Variants in CBL observed in about 807,000 individuals in gnomAD.
The protein encoded by CBL is E3 ubiquitin-protein ligase CBL.
In CBL, 45 loss-of-function variants were observed where a neutral mutation model predicts 96.9. That is an observed-to-expected ratio of 0.46 (90% CI 0.37 to 0.60). The LOEUF (loss-of-function observed/expected upper bound fraction) is 0.60, where lower values mean the gene tolerates loss of function less well. CBL is among the 20% of genes least tolerant of loss of function. The pLI is 0.00. For missense variants in CBL, 1,024 were observed against 1,143.5 expected (o/e 0.90, Z 1.51); for synonymous variants, 420 against 426.8 (o/e 0.98, Z 0.20).
chr11:119,251,256 C>T (rs1949667902), intron 2 of CBL, among the ~76,000 whole-genome samples: 1 of 152,152 alleles, frequency 6.6e-6, no homozygotes, highest in Non-Finnish European at 1.5e-5. Context: ...TGGCCTTTGC[C>T]TTTATGTAAG....
In CBL at chr11:119,218,680, C is replaced by T. The variant is rs1893034; in HGVS notation, c.195+12068C>T. On this transcript the variant is annotated intron_variant, in intron 1 of 15. Transcript: ENST00000264033. ...TCTACACTACCCACCGGTTAGTCAC[C>T]TAGTAGTCATCTTGATTCTTAGATC... 1.5e-3 allele frequency among the ~76,000 whole-genome samples: 228 copies of T among 152,026 alleles called. 2 individuals are homozygous for T. Among genetic ancestry groups the T allele is most frequent in the Non-Finnish European group, 1.1e-3 (77 of 67,972 alleles).
chr11:119,228,208 A>G (rs1269069186), intron 1 of CBL, among the ~76,000 whole-genome samples: 2 of 152,186 alleles, frequency 1.3e-5, no homozygotes, highest in African/African-American at 4.8e-5. Flanking sequence ...CTCCGCCTCA[A>G]GCGGCCCTCC....
intron 2 of CBL, among the ~76,000 whole-genome samples, chr11:119,255,886 C>T (rs1949707311): frequency 1.3e-5 from 2 of 151,706 alleles, no homozygotes; most frequent in Admixed American, 6.6e-5. Flanking sequence ...GGCCCATTTC[C>T]CCTTAATTTA....
In CBL at chr11:119,248,241, A is replaced by C. The variant is rs1249934086; in HGVS notation, c.443+15546A>C. ...AAAGCTTTACTGCAAAGCTGCAATA[A>C]TCAAAACATTGTGGTACTGGTATAA... On this transcript the variant is annotated intron_variant, in intron 2 of 15. Transcript: ENST00000264033. 4.6e-5 allele frequency among the ~76,000 whole-genome samples: 7 copies of C among 152,366 alleles called. No homozygotes were observed. The East Asian group carries it at 1.2e-3, about 25-fold the overall frequency.
At position 119,307,046 on chromosome 11, in the gene CBL, C is replaced by A. The variant is rs1220043574; in HGVS notation, c.*7265C>A. 5 of 229,488 alleles carry A rather than the reference C, an allele frequency of 2.2e-5. No homozygotes were observed. Among genetic ancestry groups the A allele is most frequent in the African/African-American group, 4.4e-5 (2 of 45,094 alleles). 14.2% of individuals were successfully genotyped at this position (229,488 alleles called of 1,614,324 possible). ...AAATACCAGAGTCTGAGCTCCTCTACCTTGAGTTTCATTAGTCCTTAGTGT... is the reference window on the plus strand; with the variant it reads ...AAATACCAGAGTCTGAGCTCCTCTAACTTGAGTTTCATTAGTCCTTAGTGT... On this transcript the variant is annotated 3_prime_UTR_variant, in exon 16 of 16. Transcript: ENST00000264033.
chr11:119,219,959 C>G (rs1346740326), intron 1 of CBL, among the ~76,000 whole-genome samples: 1 of 151,770 alleles, frequency 6.6e-6, no homozygotes, highest in Non-Finnish European at 1.5e-5. Context: ...AAGCCATTCT[C>G]CTGCCTCAGC....
chr11:119,262,840 G>A (rs185345653), intron 2 of CBL, among the ~76,000 whole-genome samples: 8 of 152,282 alleles, frequency 5.3e-5, no homozygotes, highest in African/African-American at 1.7e-4. Context: ...CCCCAAGGAG[G>A]CAGTGTTTGA....
intron 1 of CBL, among the ~76,000 whole-genome samples, chr11:119,208,140 G>C (rs1376763281): frequency 6.6e-6 from 1 of 152,134 alleles, no homozygotes; most frequent in Non-Finnish European, 1.5e-5. Context: ...GTTTAGGTGT[G>C]TAAAGGAAAC....
intron 2 of CBL, among the ~76,000 whole-genome samples, chr11:119,254,409 C>G (rs1475289871): frequency 6.6e-6 from 1 of 152,046 alleles, no homozygotes; most frequent in African/African-American, 2.4e-5. Context: ...ATAGAGTGTA[C>G]TTACAGAAAC....
rs573001979 is a variant in CBL, at chr11:119,305,615, T to C, written c.*5834T>C. 1 of 224,736 alleles carries C rather than the reference T, an allele frequency of 4.4e-6. No homozygotes were observed. 13.9% of individuals were successfully genotyped at this position (224,736 alleles called of 1,614,324 possible). ...TGCCAGAGCCAGTAAGAATATATAA[T>C]ATTGGAGCAGTTGCCAGGATAGAAA... On this transcript the variant is annotated 3_prime_UTR_variant, in exon 16 of 16. Coordinates refer to ENST00000264033, the MANE Select transcript of CBL (RefSeq NM_005188.4).
chr11:119,217,836 C>G (rs976897973), intron 1 of CBL, among the ~76,000 whole-genome samples: 1 of 151,810 alleles, frequency 6.6e-6, no homozygotes, highest in African/African-American at 2.4e-5. Context: ...TTTGAGAGGC[C>G]GAGGCAGGAA....
At chr11:119,270,672 T>A (rs1003854295) in intron 2 of CBL, among the ~76,000 whole-genome samples, 1 of 151,038 alleles carries the variant, frequency 6.6e-6, no homozygotes, top group African/African-American at 2.4e-5. Flanking sequence ...GGTCTCGATC[T>A]CCTGACCTCG....
At chr11:119,251,687 T>C (rs985919362) in intron 2 of CBL, among the ~76,000 whole-genome samples, 3 of 152,204 alleles carry the variant, frequency 2.0e-5, no homozygotes, top group East Asian at 1.9e-4. Context: ...GGCTAGATGA[T>C]GCAGAGAGAG....
Position 119,304,993 on chromosome 11 carries a change from G to A in CBL, c.*5212G>A, listed in dbSNP as rs1565274684. On this transcript the variant is annotated 3_prime_UTR_variant, in exon 16 of 16. Coordinates refer to ENST00000264033, the MANE Select transcript of CBL (RefSeq NM_005188.4). ...TTGATCAAGTATCTATCTCTGAGCA[G>A]TTGGCCTTGCCAGGGAGAGCAGAGA... is the stretch of plus-strand genomic sequence containing the variant. 1 of 210,052 alleles carries A rather than the reference G, an allele frequency of 4.8e-6. No homozygotes were observed. The highest frequency in any genetic ancestry group is 9.7e-6 in the Non-Finnish European group (1 of 103,372). 13.0% of individuals were successfully genotyped at this position (210,052 alleles called of 1,614,324 possible). A position where few individuals can be genotyped will look rare whatever the true frequency, so the allele number is the denominator to read the frequency against.
At chr11:119,288,909 C>T (rs796480467) in intron 12 of CBL, among the ~76,000 whole-genome samples, 1 of 152,110 alleles carries the variant, frequency 6.6e-6, no homozygotes, top group African/African-American at 2.4e-5. Context: ...TTACGGTATT[C>T]CACCCATTTT....
At chr11:119,278,830 T>G in intron 9 of CBL, 117 bp downstream of exon 9, 1 of 805,228 alleles carries the variant, frequency 1.2e-6, no homozygotes, top group South Asian at 1.4e-5. Context: ...TAATATTTAT[T>G]GAGCATTTAC....
At position 119,302,998 on chromosome 11, in the gene CBL, T is replaced by A; in HGVS notation, c.*3217T>A. 4.4e-6 allele frequency: 1 copy of A among 228,536 alleles called. No individual in the cohort carries two copies. Among genetic ancestry groups the A allele is most frequent in the Non-Finnish European group, 8.7e-6 (1 of 115,036 alleles). 14.2% of individuals were successfully genotyped at this position (228,536 alleles called of 1,614,324 possible). On this transcript the variant is annotated 3_prime_UTR_variant, in exon 16 of 16. Coordinates refer to ENST00000264033, the MANE Select transcript of CBL (RefSeq NM_005188.4). ...AGTATTATTTAACTATTTTGTAGAT[T>A]TAAAAGATTTCTGGTTAAGGGAGGT...
intron 3 of CBL, among the ~76,000 whole-genome samples, chr11:119,273,461 G>C (rs1040984903): frequency 5.3e-5 from 8 of 152,162 alleles, no homozygotes; most frequent in Non-Finnish European, 1.2e-4. Flanking sequence ...GTTTCACTCT[G>C]TTGCCCAGGC....
chr11:119,282,022 T>A (rs1949938903), intron 9 of CBL, among the ~76,000 whole-genome samples: 1 of 152,186 alleles, frequency 6.6e-6, no homozygotes, highest in Non-Finnish European at 1.5e-5. Flanking sequence ...CCACCTTTTC[T>A]GGAGCCTTAT....
Sources: allele counts gnomAD v4.1 joint callset (sites outside exome capture counted in the v4.1 genomes callset), GRCh38; gene constraint gnomAD v4.1.1; transcripts MANE v1.5; gene names NCBI Gene and HGNC (gene_info 2026-07-23, HGNC 2026-07-21).